The following C2orf76 variants were observed in gnomAD, a reference collection of about 807,000 sequenced individuals.
C2orf76 encodes UPF0538 protein C2orf76.
In C2orf76, 23 loss-of-function variants were observed where a neutral mutation model predicts 16.9. The ratio of observed to expected loss-of-function variants is 1.36; its 90% CI spans 0.98 to 1.93. The LOEUF is 1.93. Among genes scored for constraint, C2orf76 ranks in the 30% most tolerant of loss-of-function variants. C2orf76 has a pLI of 0.00. For synonymous variants in C2orf76, 48 were observed against 52.3 expected, an observed-to-expected ratio of 0.92 and a Z score of 0.35; for missense variants, 152 against 152.6, an observed-to-expected ratio of 1.00 and a Z score of 0.02.
At chr2:119,345,559 C>T (rs918812521) in intron 1 of C2orf76, among the ~76,000 whole-genome samples, 4 of 152,104 alleles carry the variant, frequency 2.6e-5, no homozygotes, top group Non-Finnish European at 4.4e-5. Flanking sequence ...TTCATAATGA[C>T]ACTTTTTTAA....
At chr2:119,357,734 G>A (rs1680616416) in intron 1 of C2orf76, among the ~76,000 whole-genome samples, 2 of 152,040 alleles carry the variant, frequency 1.3e-5, no homozygotes, top group Non-Finnish European at 2.9e-5. Flanking sequence ...TCTAGCCAGT[G>A]AAACAATGCA....
intron 5 of C2orf76, among the ~76,000 whole-genome samples, chr2:119,309,398 C>CTTT (rs1193022536): frequency 9.8e-5 from 7 of 71,358 alleles, no homozygotes; most frequent in Non-Finnish European, 1.8e-4. Context: ...TTCTCTTTTT[C>CTTT]TTTTTTTTTT....
chr2:119,342,166 A>G (rs1345324593), intron 1 of C2orf76, among the ~76,000 whole-genome samples: 3 of 152,354 alleles, frequency 2.0e-5, no homozygotes, highest in Non-Finnish European at 4.4e-5. Flanking sequence ...ATGACAAGCA[A>G]TAGAAATGAA....
At chr2:119,325,536 T>C (rs938888867) in intron 2 of C2orf76, among the ~76,000 whole-genome samples, 2 of 151,072 alleles carry the variant, frequency 1.3e-5, no homozygotes, top group African/African-American at 4.9e-5. Context: ...GGAGAATCAC[T>C]TGACCCATGA....
chr2:119,284,962 T>C, the C2orf76 span, among the ~76,000 whole-genome samples: 5 of 152,314 alleles, frequency 3.3e-5, no homozygotes, highest in Middle Eastern at 6.8e-3. Flanking sequence ...GCTTCAGTTT[T>C]CTCATTTGTA....
chr2:119,367,121 C>A (rs1400746611), upstream of C2orf76: 2 of 1,606,872 alleles, frequency 1.2e-6, no homozygotes, highest in Non-Finnish European at 1.7e-6. Context: ...GTTGGGGGCT[C>A]AGCCGGCTGC....
chr2:119,315,070 G>A (rs1330641745), intron 4 of C2orf76, among the ~76,000 whole-genome samples: 1 of 152,108 alleles, frequency 6.6e-6, no homozygotes, highest in Non-Finnish European at 1.5e-5. Flanking sequence ...TTCTTATAAA[G>A]TTTGTTCCAG....
At chr2:119,343,811 C>T (rs1192704077) in intron 1 of C2orf76, among the ~76,000 whole-genome samples, 1 of 152,046 alleles carries the variant, frequency 6.6e-6, no homozygotes, top group African/African-American at 2.4e-5. Flanking sequence ...ACAAGTCGTT[C>T]CATTAATTTA....
chr2:119,341,943 G>A (rs763231954), intron 1 of C2orf76, among the ~76,000 whole-genome samples: 1 of 152,114 alleles, frequency 6.6e-6, no homozygotes, highest in Non-Finnish European at 1.5e-5. Flanking sequence ...GAGACAATAA[G>A]GCGATCTTTA....
intron 4 of C2orf76, among the ~76,000 whole-genome samples, chr2:119,316,800 G>A (rs1244551697): frequency 6.6e-6 from 1 of 152,046 alleles, no homozygotes; most frequent in African/African-American, 2.4e-5. Context: ...CTCTATGGAA[G>A]GCCAGAGATT....
In C2orf76 at chr2:119,302,315, A is replaced by AGTAG; in HGVS notation, c.*156_*157insCTAC. On this transcript the variant is annotated 3_prime_UTR_variant, in exon 6 of 6. Coordinates refer to ENST00000334816, the MANE Select transcript of C2orf76 (RefSeq NM_001322331.2). ...TACAACAACAAAGAAAAAGAAAGAG[A>AGTAG]GAAGGAAAGACCTGAAGAGAAAGAA... The AGTAG allele has an allele frequency of 3.6e-6, 1 of 278,640 alleles. No homozygotes were observed. The highest frequency in any genetic ancestry group is 6.0e-6 in the Non-Finnish European group (1 of 167,092). 17.3% of individuals were successfully genotyped at this position (278,640 alleles called of 1,614,324 possible). A position where few individuals can be genotyped will look rare whatever the true frequency, so the allele number is the denominator to read the frequency against.
intron 5 of C2orf76, chr2:119,311,402 T>C: frequency 5.1e-6 from 5 of 985,442 alleles, no homozygotes; most frequent in Non-Finnish European, 6.0e-6. Context: ...AAAACAGCCA[T>C]TTGCATTCTG....
intron 2 of C2orf76, among the ~76,000 whole-genome samples, chr2:119,334,298 G>A (rs572095815): frequency 1.4e-5 from 2 of 145,450 alleles, no homozygotes; most frequent in East Asian, 4.0e-4. Context: ...GGCACTGTAA[G>A]GGTGGCTACA....
chr2:119,303,498 C>T (rs1325362654), intron 5 of C2orf76, among the ~76,000 whole-genome samples: 1 of 152,186 alleles, frequency 6.6e-6, no homozygotes, highest in African/African-American at 2.4e-5. Context: ...ATACTGAGCA[C>T]TCAATTAACA....
the C2orf76 span, among the ~76,000 whole-genome samples, chr2:119,291,784 G>A: frequency 6.6e-6 from 1 of 152,034 alleles, no homozygotes; most frequent in African/African-American, 2.4e-5. Flanking sequence ...TGCGCGATGG[G>A]ATTAGTAGTA....
intron 1 of C2orf76, among the ~76,000 whole-genome samples, chr2:119,342,041 G>T (rs752098358): frequency 1.3e-5 from 2 of 152,006 alleles, no homozygotes; most frequent in Admixed American, 6.6e-5. Flanking sequence ...TATACAAGGA[G>T]GAACCATAAA....
chr2:119,338,188 T>C (rs938722189), intron 2 of C2orf76, among the ~76,000 whole-genome samples: 2 of 152,214 alleles, frequency 1.3e-5, no homozygotes, highest in Admixed American at 6.5e-5. Flanking sequence ...AGGATTTTTT[T>C]TGAGCTAAAG....
chr2:119,357,055 AAAGG>A (rs1002814636), intron 1 of C2orf76, among the ~76,000 whole-genome samples: 30 of 152,014 alleles, frequency 2.0e-4, no homozygotes, highest in African/African-American at 7.0e-4. Context: ...TGCCTGGAAA[AAAGG>A]AAGGAAGGAA....
chr2:119,311,870 C>T (rs1679004049), intron 4 of C2orf76, among the ~76,000 whole-genome samples, 167 bp from the exon 5 acceptor site: 1 of 152,142 alleles, frequency 6.6e-6, no homozygotes, highest in Admixed American at 6.5e-5. Context: ...TGAGGTCCTG[C>T]CGAGCTCACG....
Sources: allele counts gnomAD v4.1 joint callset (sites outside exome capture counted in the v4.1 genomes callset), GRCh38; gene constraint gnomAD v4.1.1; transcripts MANE v1.5; gene names NCBI Gene and HGNC (gene_info 2026-07-23, HGNC 2026-07-21).